The following NFKB1 variants were observed in gnomAD, a reference collection of about 807,000 sequenced individuals.
NFKB1 encodes the protein nuclear factor kappa B subunit 1.
A neutral mutation model predicts 105.1 loss-of-function variants in NFKB1; 9 were observed. That is an observed-to-expected ratio of 0.09 (90% CI 0.05 to 0.15). The LOEUF (loss-of-function observed/expected upper bound fraction) is 0.15, where lower values mean the gene tolerates loss of function less well. NFKB1 is among the 10% of genes least tolerant of loss of function. NFKB1 has a pLI of 1.00. For synonymous variants in NFKB1, 440 were observed against 442.2 expected, an observed-to-expected ratio of 1.00 and a Z score of 0.06; for missense variants, 830 against 1,203.7, an observed-to-expected ratio of 0.69 and a Z score of 4.59.
intron 2 of NFKB1, 30 bp downstream of exon 2, chr4:102,525,587 A>G: frequency 6.4e-7 from 1 of 1,569,584 alleles, no homozygotes. Context: ...TGATAACTTT[A>G]TTTAAATATA....
At chr4:102,555,995 T>C (rs534709192) in intron 5 of NFKB1, among the ~76,000 whole-genome samples, 2 of 152,220 alleles carry the variant, frequency 1.3e-5, no homozygotes, top group East Asian at 3.9e-4. Flanking sequence ...GAGTTCAAGC[T>C]AAGATAGATA....
chr4:102,568,912 T>C (rs1724092076), intron 6 of NFKB1, among the ~76,000 whole-genome samples: 1 of 152,114 alleles, frequency 6.6e-6, no homozygotes. Flanking sequence ...ATTTGATCAT[T>C]ATGATGTCTG....
At chr4:102,600,237 A>G (rs1727024048) in intron 15 of NFKB1, among the ~76,000 whole-genome samples, 1 of 152,246 alleles carries the variant, frequency 6.6e-6, no homozygotes, top group Non-Finnish European at 1.5e-5. Context: ...GGCAGAAGAA[A>G]GGAGCAAAAA....
intron 5 of NFKB1, among the ~76,000 whole-genome samples, chr4:102,538,589 T>C (rs1266687411): frequency 6.6e-6 from 1 of 152,208 alleles, no homozygotes; most frequent in East Asian, 1.9e-4. Context: ...CTACGTGACA[T>C]GCTGGTGGTG....
chr4:102,579,582 G>A (rs540625076), intron 8 of NFKB1, among the ~76,000 whole-genome samples: 11 of 150,690 alleles, frequency 7.3e-5, no homozygotes, highest in African/African-American at 2.7e-4. Context: ...GGAGGCTGAG[G>A]TGGGAGGATA....
intron 1 of NFKB1, among the ~76,000 whole-genome samples, chr4:102,502,344 T>TCC (rs1739114293): frequency 1.3e-5 from 2 of 149,192 alleles, no homozygotes; most frequent in African/African-American, 2.5e-5. Flanking sequence ...TCGCTCTCTG[T>TCC]CTCTCTCTCT....
intron 4 of NFKB1, 173 bp from the exon 5 acceptor site, chr4:102,537,685 G>C: frequency 4.1e-6 from 2 of 487,402 alleles, no homozygotes; most frequent in Non-Finnish European, 7.5e-6. Flanking sequence ...ACCATTTTTC[G>C]TAGTAAGATT....
chr4:102,525,206 T>C (rs2149112761), intron 1 of NFKB1, among the ~76,000 whole-genome samples: 1 of 152,208 alleles, frequency 6.6e-6, no homozygotes, highest in East Asian at 1.9e-4. Flanking sequence ...AGAATCCCAG[T>C]ATGTATGATT....
At chr4:102,577,924 T>C (rs1321719078) in intron 7 of NFKB1, 20 of 985,404 alleles carry the variant, frequency 2.0e-5, no homozygotes, top group Non-Finnish European at 2.4e-5. Flanking sequence ...ACTGAAGTTC[T>C]GTATCTTGTT....
chr4:102,586,232 G>A (rs1725702448), intron 11 of NFKB1, among the ~76,000 whole-genome samples: 1 of 152,180 alleles, frequency 6.6e-6, no homozygotes, highest in South Asian at 2.1e-4. Flanking sequence ...ATACTGTCAA[G>A]AGGGCCTAGA....
intron 1 of NFKB1, among the ~76,000 whole-genome samples, chr4:102,513,057 A>G (rs1360542171): frequency 2.0e-5 from 3 of 152,218 alleles, no homozygotes; most frequent in African/African-American, 7.2e-5. Flanking sequence ...ATGGTACTCA[A>G]GGCAGAGGCT....
chr4:102,610,046 A>C (rs566461776), intron 19 of NFKB1, among the ~76,000 whole-genome samples: 20 of 152,300 alleles, frequency 1.3e-4, no homozygotes, highest in African/African-American at 3.8e-4. Flanking sequence ...TATACATCCT[A>C]GTAGGTTTGT....
At chr4:102,556,720 G>T (rs1723014415) in intron 5 of NFKB1, among the ~76,000 whole-genome samples, 1 of 152,178 alleles carries the variant, frequency 6.6e-6, no homozygotes, top group African/African-American at 2.4e-5. Flanking sequence ...TATGTACTTT[G>T]TAGGGAGAAA....
At chr4:102,573,262 C>T (rs570077810) in intron 6 of NFKB1, among the ~76,000 whole-genome samples, 28 of 152,170 alleles carry the variant, frequency 1.8e-4, no homozygotes, top group African/African-American at 6.7e-4. Flanking sequence ...GAGCCGAGAT[C>T]GCACAATTGC....
intron 1 of NFKB1, 142 bp from the exon 2 acceptor site, chr4:102,525,370 C>A: frequency 1.5e-6 from 1 of 653,864 alleles, no homozygotes; most frequent in Non-Finnish European, 2.6e-6. Context: ...ACATCATGTC[C>A]TCCTCCTATG....
intron 13 of NFKB1, among the ~76,000 whole-genome samples, chr4:102,595,757 T>C (rs537773786): frequency 5.9e-5 from 9 of 152,296 alleles, no homozygotes; most frequent in South Asian, 2.1e-4. Context: ...CACTAAAGAA[T>C]GTGAGTCGAC....
chr4:102,514,310 T>A (rs760325262), intron 1 of NFKB1, among the ~76,000 whole-genome samples: 2 of 152,200 alleles, frequency 1.3e-5, no homozygotes, highest in Non-Finnish European at 2.9e-5. Context: ...ATGGTTTGAA[T>A]GTGTCCCCAC....
intron 7 of NFKB1, chr4:102,577,586 C>T (rs1391329559): frequency 6.5e-6 from 1 of 153,906 alleles, no homozygotes; most frequent in Non-Finnish European, 1.4e-5. Flanking sequence ...ACCCCATTCC[C>T]TGTCCCACCA....
chr4:102,527,086 A>G (rs978486688), intron 2 of NFKB1, among the ~76,000 whole-genome samples: 8 of 152,160 alleles, frequency 5.3e-5, no homozygotes, highest in African/African-American at 1.4e-4. Context: ...TTCATCAGCT[A>G]TTTATTGAGG....
Sources: allele counts gnomAD v4.1 joint callset (sites outside exome capture counted in the v4.1 genomes callset), GRCh38; gene constraint gnomAD v4.1.1; transcripts MANE v1.5; gene names NCBI Gene and HGNC (gene_info 2026-07-23, HGNC 2026-07-21).